The following CTXND1 variants were observed in gnomAD, a reference collection of about 807,000 sequenced individuals.
CTXND1 encodes the protein cortexin domain-containing 1 protein.
intron 1 of CTXND1, among the ~76,000 whole-genome samples, chr15:80,236,886 T>C (rs999400530): frequency 2.0e-5 from 3 of 152,166 alleles, no homozygotes; most frequent in African/African-American, 7.2e-5. Flanking sequence ...ACTCACGTGT[T>C]TGTGGCAATG....
intron 1 of CTXND1, among the ~76,000 whole-genome samples, chr15:80,219,193 C>T (rs1165597189): frequency 1.3e-5 from 2 of 151,840 alleles, no homozygotes; most frequent in African/African-American, 4.8e-5. Flanking sequence ...AATCCTCCTA[C>T]CTCGGCCTCC....
chr15:80,249,921 A>C (rs192260128), intron 1 of CTXND1, among the ~76,000 whole-genome samples: 177 of 152,352 alleles, frequency 1.2e-3, no homozygotes, highest in African/African-American at 4.0e-3. Context: ...TCAATGTCAA[A>C]ATTCACAGTC....
At chr15:80,211,077 G>A (rs528113818) in intron 1 of CTXND1, among the ~76,000 whole-genome samples, 2 of 152,322 alleles carry the variant, frequency 1.3e-5, no homozygotes, top group South Asian at 4.1e-4. Context: ...ATAGCAATGA[G>A]ATCCTCGAGG....
intron 1 of CTXND1, among the ~76,000 whole-genome samples, chr15:80,208,253 G>A (rs187537167): frequency 4.1e-4 from 63 of 152,326 alleles, no homozygotes; most frequent in African/African-American, 1.3e-3. Flanking sequence ...GGAAACACAC[G>A]TGTGCACACA....
intron 1 of CTXND1, among the ~76,000 whole-genome samples, chr15:80,225,821 T>G (rs951615795): frequency 2.6e-5 from 4 of 152,246 alleles, no homozygotes; most frequent in Non-Finnish European, 5.9e-5. Context: ...TAGAGGCCAT[T>G]TGTTCTAATT....
At chr15:80,237,633 G>A (rs1380663464) in intron 1 of CTXND1, among the ~76,000 whole-genome samples, 1 of 152,034 alleles carries the variant, frequency 6.6e-6, no homozygotes, top group Non-Finnish European at 1.5e-5. Flanking sequence ...ACAGAATAAG[G>A]CTATAAGAAA....
intron 1 of CTXND1, among the ~76,000 whole-genome samples, chr15:80,209,169 T>A (rs1893179699): frequency 6.6e-6 from 1 of 152,188 alleles, no homozygotes; most frequent in Non-Finnish European, 1.5e-5. Flanking sequence ...GTCTCCTGGA[T>A]CCTTCTGGGT....
At chr15:80,244,354 A>G (rs1893605266) in intron 1 of CTXND1, among the ~76,000 whole-genome samples, 1 of 152,232 alleles carries the variant, frequency 6.6e-6, no homozygotes, top group Non-Finnish European at 1.5e-5. Context: ...TGAAGCTATA[A>G]TGATCCTTAC....
intron 1 of CTXND1, among the ~76,000 whole-genome samples, chr15:80,208,377 A>C (rs1015089877): frequency 6.6e-6 from 1 of 152,160 alleles, no homozygotes; most frequent in African/African-American, 2.4e-5. Context: ...AGAAACTATA[A>C]ATTTTTTATG....
intron 1 of CTXND1, among the ~76,000 whole-genome samples, chr15:80,224,846 C>T (rs936983227): frequency 2.0e-5 from 3 of 152,188 alleles, no homozygotes; most frequent in Admixed American, 2.0e-4. Flanking sequence ...TGGATTCAAG[C>T]GATTCTCCTG....
intron 1 of CTXND1, among the ~76,000 whole-genome samples, chr15:80,221,819 A>G (rs1056685205): frequency 2.0e-5 from 3 of 152,170 alleles, no homozygotes; most frequent in Non-Finnish European, 4.4e-5. Flanking sequence ...TCTAACTGCT[A>G]TTCATTTCTA....
At chr15:80,210,642 G>T (rs1217091450) in intron 1 of CTXND1, among the ~76,000 whole-genome samples, 1 of 152,206 alleles carries the variant, frequency 6.6e-6, no homozygotes, top group Non-Finnish European at 1.5e-5. Context: ...GCCATCCCTT[G>T]CCTGAACACT....
chr15:80,236,985 C>G (rs930649039), intron 1 of CTXND1, among the ~76,000 whole-genome samples: 1 of 151,960 alleles, frequency 6.6e-6, no homozygotes, highest in African/African-American at 2.4e-5. Context: ...ATTTTACTGG[C>G]TTATGTATTT....
chr15:80,234,921 CCTT>C (rs1292964857), intron 1 of CTXND1, among the ~76,000 whole-genome samples: 1 of 152,182 alleles, frequency 6.6e-6, no homozygotes, highest in East Asian at 1.9e-4. Context: ...TGGGGAATGG[CCTT>C]CTTCAATGAA....
At chr15:80,226,449 C>T (rs1893372771) in intron 1 of CTXND1, among the ~76,000 whole-genome samples, 1 of 152,162 alleles carries the variant, frequency 6.6e-6, no homozygotes, top group Non-Finnish European at 1.5e-5. Flanking sequence ...CCAAGTTGTC[C>T]CTCCCTGATC....
intron 2 of CTXND1, among the ~76,000 whole-genome samples, chr15:80,203,047 G>A (rs1893102556): frequency 6.6e-6 from 1 of 152,220 alleles, no homozygotes; most frequent in Admixed American, 6.5e-5. Context: ...ACGACCAAAT[G>A]CACAGTCCCT....
intron 1 of CTXND1, among the ~76,000 whole-genome samples, chr15:80,207,309 T>C (rs966743630): frequency 5.3e-5 from 8 of 152,006 alleles, no homozygotes; most frequent in Non-Finnish European, 1.0e-4. Context: ...TTTCTTTTTA[T>C]GCTGTAGTCT....
chr15:80,211,756 C>CCG (rs1893206815), intron 1 of CTXND1, among the ~76,000 whole-genome samples: 1 of 152,124 alleles, frequency 6.6e-6, no homozygotes, highest in Admixed American at 6.5e-5. Context: ...GGTATTTCTG[C>CCG]TGAGAGAATG....
At chr15:80,202,213 C>T (rs1423078148) in intron 2 of CTXND1, among the ~76,000 whole-genome samples, 199 bp from the exon 3 acceptor site, 1 of 150,860 alleles carries the variant, frequency 6.6e-6, no homozygotes, top group Non-Finnish European at 1.5e-5. Flanking sequence ...GTAGGTAAAC[C>T]AGAGTCTCTA....
Sources: allele counts gnomAD v4.1 joint callset (sites outside exome capture counted in the v4.1 genomes callset), GRCh38; gene constraint gnomAD v4.1.1; transcripts MANE v1.5; gene names NCBI Gene and HGNC (gene_info 2026-07-23, HGNC 2026-07-21).